The following ADORA2B variants were observed in gnomAD, a reference collection of about 807,000 sequenced individuals.
The protein encoded by ADORA2B is adenosine A2b receptor.
Under a neutral mutation model 20.8 loss-of-function variants are expected in ADORA2B, and 18 were observed. That is an observed-to-expected ratio of 0.87 (90% confidence interval 0.60 to 1.29). The LOEUF (loss-of-function observed/expected upper bound fraction) is 1.29, where lower values mean the gene tolerates loss of function less well. Among genes scored for constraint, ADORA2B ranks in the 50% most tolerant of loss-of-function variants. ADORA2B has a pLI of 0.00. For missense variants in ADORA2B, 441 were observed against 422.7 expected, an observed-to-expected ratio of 1.04 and a Z score of -0.38; for synonymous variants, 179 against 178.3, an observed-to-expected ratio of 1.00 and a Z score of -0.03.
chr17:15,964,043 A>C (rs1478781219), intron 1 of ADORA2B, among the ~76,000 whole-genome samples: 1 of 152,138 alleles, frequency 6.6e-6, no homozygotes, highest in Non-Finnish European at 1.5e-5. Context: ...TGGTGACCAC[A>C]CCTTGCTATC....
At chr17:15,885,749 G>A in the ADORA2B span, among the ~76,000 whole-genome samples, 10 of 151,572 alleles carry the variant, frequency 6.6e-5, no homozygotes, top group Non-Finnish European at 8.8e-5. Flanking sequence ...CTGCAGAAAT[G>A]TGAAGTTGGA....
the ADORA2B span, among the ~76,000 whole-genome samples, chr17:15,939,374 C>A: frequency 6.6e-6 from 1 of 152,188 alleles, no homozygotes; most frequent in African/African-American, 2.4e-5. Context: ...AACAGTCCTC[C>A]TGGAGCCTTC....
the ADORA2B span, among the ~76,000 whole-genome samples, chr17:15,854,953 C>T: frequency 2.7e-5 from 4 of 148,668 alleles, no homozygotes; most frequent in South Asian, 2.1e-4. Context: ...CTTTTTGAGA[C>T]GGAGTTTTGC....
chr17:15,927,848 G>A, the ADORA2B span, among the ~76,000 whole-genome samples: 4 of 152,290 alleles, frequency 2.6e-5, no homozygotes, highest in East Asian at 5.8e-4. Context: ...TCAGGCGCAA[G>A]GTGGCTTTCA....
At chr17:15,873,910 A>G in the ADORA2B span, among the ~76,000 whole-genome samples, 1,278 of 152,234 alleles carry the variant, frequency 8.4e-3, 7 homozygotes, top group Non-Finnish European at 0.013. Context: ...CCCAAAGGAA[A>G]AGAAGTCATT....
At chr17:15,946,949 A>T (rs560273555) in intron 1 of ADORA2B, among the ~76,000 whole-genome samples, 1 of 152,246 alleles carries the variant, frequency 6.6e-6, no homozygotes, top group South Asian at 2.1e-4. Context: ...GAGCCGGAGA[A>T]TGCTCCCAGA....
intron 1 of ADORA2B, among the ~76,000 whole-genome samples, chr17:15,955,774 A>G (rs1244838859): frequency 6.8e-6 from 1 of 146,172 alleles, no homozygotes; most frequent in East Asian, 2.0e-4. Context: ...GCTGGAGTGC[A>G]GTGGCACAAT....
the ADORA2B span, among the ~76,000 whole-genome samples, chr17:15,891,623 G>T: frequency 6.6e-6 from 1 of 152,060 alleles, no homozygotes; most frequent in Non-Finnish European, 1.5e-5. Flanking sequence ...GAATGAGGCT[G>T]TTTAGATCGC....
the ADORA2B span, among the ~76,000 whole-genome samples, chr17:15,859,591 T>C: frequency 2.0e-5 from 3 of 151,908 alleles, no homozygotes; most frequent in South Asian, 6.2e-4. Flanking sequence ...GTTTCCCCTA[T>C]AACTATAAAC....
the ADORA2B span, among the ~76,000 whole-genome samples, chr17:15,874,226 A>G: frequency 6.6e-6 from 1 of 151,990 alleles, no homozygotes; most frequent in East Asian, 1.9e-4. Context: ...AGGAGTGGAA[A>G]ATCAAAAATC....
intron 1 of ADORA2B, among the ~76,000 whole-genome samples, chr17:15,955,080 G>A (rs556371717): frequency 6.6e-6 from 1 of 152,216 alleles, no homozygotes; most frequent in East Asian, 1.9e-4. Flanking sequence ...CTTCAGCTCT[G>A]AAATTTTCAA....
the ADORA2B span, among the ~76,000 whole-genome samples, chr17:15,934,089 C>T: frequency 6.6e-6 from 1 of 151,820 alleles, no homozygotes; most frequent in African/African-American, 2.4e-5. Context: ...TTGCCAAATA[C>T]TTTTTCTATG....
intron 1 of ADORA2B, among the ~76,000 whole-genome samples, chr17:15,961,512 G>C (rs75074043): frequency 0.013 from 1,955 of 152,182 alleles, 47 homozygotes; most frequent in African/African-American, 0.044. Context: ...TGTCTGCCAG[G>C]GTTCTTCACT....
intron 1 of ADORA2B, among the ~76,000 whole-genome samples, chr17:15,960,949 C>T (rs574652278): frequency 2.0e-5 from 3 of 148,922 alleles, no homozygotes; most frequent in Non-Finnish European, 3.0e-5. Flanking sequence ...GGGCGATTCA[C>T]GAGTTCAGGA....
chr17:15,961,293 A>T lies in ADORA2B; in HGVS notation c.336-13386A>T, dbSNP rs78167959. On this transcript the variant is annotated intron_variant, in intron 1 of 1. Coordinates refer to ENST00000304222, the MANE Select transcript of ADORA2B (RefSeq NM_000676.4). The stretch of plus-strand genomic sequence containing the variant: ...CTTTTCTTGGGGAAAAAAAAAAAAA[A>T]TTAACATTTTTGAGTTCAGGTGATT... 4.0e-3 allele frequency among the ~76,000 whole-genome samples: 603 copies of T among 151,416 alleles called. 3 individuals carry two copies. Among genetic ancestry groups the T allele is most frequent in the African/African-American group, 0.014 (576 of 40,804 alleles).
chr17:15,910,620 T>C, the ADORA2B span, among the ~76,000 whole-genome samples: 1 of 152,126 alleles, frequency 6.6e-6, no homozygotes, highest in Non-Finnish European at 1.5e-5. Context: ...AATCTTTTTG[T>C]GAGATTTTTT....
At chr17:15,958,672 G>T (rs1970000241) in intron 1 of ADORA2B, among the ~76,000 whole-genome samples, 1 of 152,118 alleles carries the variant, frequency 6.6e-6, no homozygotes, top group Non-Finnish European at 1.5e-5. Context: ...CTGGAGCTCA[G>T]GCCTTTGCGC....
the ADORA2B span, among the ~76,000 whole-genome samples, chr17:15,868,812 A>G: frequency 6.6e-6 from 1 of 150,826 alleles, no homozygotes; most frequent in Non-Finnish European, 1.5e-5. Flanking sequence ...CCCACCAAAT[A>G]GCACGTTTTT....
intron 1 of ADORA2B, among the ~76,000 whole-genome samples, chr17:15,966,462 G>C (rs189840352): frequency 1.3e-5 from 2 of 152,312 alleles, no homozygotes; most frequent in East Asian, 3.9e-4. Flanking sequence ...GCTGGGAATT[G>C]ATTTCTAAGC....
Sources: gnomAD v4.1 joint callset for allele counts (sites outside exome capture counted in the v4.1 genomes callset) on GRCh38, gnomAD v4.1.1 for gene constraint, MANE v1.5 for transcripts, NCBI Gene and HGNC (gene_info 2026-07-23, HGNC 2026-07-21) for gene names.